The following SKOR2 variants were observed in gnomAD, a reference collection of about 807,000 sequenced individuals.
SKOR2 encodes LBX1 corepressor 1-like protein.
SKOR2 carries 47 observed loss-of-function variants against 69.1 expected under a neutral mutation model. The ratio of observed to expected loss-of-function variants is 0.68; its 90% CI spans 0.54 to 0.87. The LOEUF (loss-of-function observed/expected upper bound fraction) is 0.87. SKOR2 is among the 40% of genes least tolerant of loss of function. SKOR2 has a pLI of 0.00. For synonymous variants in SKOR2, 717 were observed against 672.6 expected, an observed-to-expected ratio of 1.07 and a Z score of -1.02; for missense variants, 1,404 against 1,472.2, an observed-to-expected ratio of 0.95 and a Z score of 0.76.
rs917580377 is a variant in SKOR2, at chr18:47,248,551, A to C, written c.633T>G (p.Arg211=). The change falls in exon 2 of 9, where the codon CGT becomes CGG. Residue 211 remains arginine (R), a synonymous_variant. Transcript: ENST00000425639. This position sits in a 1 kb window ranked among gnomAD's most constrained non-coding sequence, Gnocchi z 6.4. ...PDAANFNSWR[R]HLKLTDKSPQ... Reference sequence around the variant, plus strand: ...GACTCTTGTCGGTGAGCTTGAGATGACGGCGCCACGAGTTGAAGTTGGCTG... The same window carrying C: ...GACTCTTGTCGGTGAGCTTGAGATGCCGGCGCCACGAGTTGAAGTTGGCTG... The C allele has an allele frequency of 6.5e-7, 1 of 1,537,162 alleles. No homozygotes were observed. Among genetic ancestry groups the C allele is most frequent in the South Asian group, 1.2e-5 (1 of 84,078 alleles).
intron 8 of SKOR2, among the ~76,000 whole-genome samples, chr18:47,208,533 A>G (rs1383233419): frequency 6.6e-6 from 1 of 152,222 alleles, no homozygotes; most frequent in East Asian, 1.9e-4. Flanking sequence ...AGTTACATCA[A>G]TGATAACTGC....
At chr18:47,236,751 T>C (rs751902332) in intron 4 of SKOR2, among the ~76,000 whole-genome samples, 1 of 152,156 alleles carries the variant, frequency 6.6e-6, no homozygotes, top group Non-Finnish European at 1.5e-5. Flanking sequence ...AAACAGATAT[T>C]GTCTAAGCCA....
In SKOR2 at chr18:47,247,853, G is replaced by A. The variant is rs1251797761; in HGVS notation, c.1331C>T (p.Ala444Val). The A allele has an allele frequency of 1.8e-5, 25 of 1,358,910 alleles. No homozygotes were observed. Among genetic ancestry groups the A allele is most frequent in the Non-Finnish European group, 2.3e-5 (24 of 1,066,162 alleles). The allele number at this position is 1,358,910 out of a possible 1,614,324, so 84.2% of individuals were successfully genotyped here. Residue 444 changes from alanine (A) to valine (V), a missense_variant, in exon 2 of 9, where the codon GCG becomes GTG. Around this residue, in one of 3 missense-constraint regions of SKOR2, gnomAD observed 1,266 missense variants for 1,309.9 expected, o/e 0.97. Coordinates refer to ENST00000425639, the MANE Select transcript of SKOR2 (RefSeq NM_001278063.4). This position sits in a 1 kb window ranked among gnomAD's most constrained non-coding sequence, Gnocchi z 6.6. ...LGGAGAGGAG[A>V]APKAGLSGLF... The stretch of plus-strand genomic sequence containing the variant: ...GCCGGACAAGCCGGCCTTGGGCGCC[G>A]CGCCCGCGCCGCCTGCGCCCGCGCC...
intron 6 of SKOR2, among the ~76,000 whole-genome samples, chr18:47,226,042 G>A (rs1295739319): frequency 6.6e-6 from 1 of 152,168 alleles, no homozygotes; most frequent in Non-Finnish European, 1.5e-5. Context: ...GAAGGGAGGT[G>A]AGGATGCAGG....
rs1393994872 is a variant in SKOR2, at chr18:47,245,492, T to C, written c.2677+6A>G. The C allele has an allele frequency of 6.8e-7, 1 of 1,476,094 alleles. No homozygotes were observed. Among genetic ancestry groups the C allele is most frequent in the Non-Finnish European group, 8.9e-7 (1 of 1,120,364 alleles). 91.4% of individuals were successfully genotyped at this position (1,476,094 alleles called of 1,614,324 possible). On this transcript the variant is annotated splice_donor_region_variant and intron_variant, in intron 3 of 8. Transcript: ENST00000425639. ...AGTGGCAGCTGATTTTTTTTTTTTTTTTTACCTGAAAAGCTGTTGTCATCC... is the reference window on the plus strand; with the variant it reads ...AGTGGCAGCTGATTTTTTTTTTTTTCTTTACCTGAAAAGCTGTTGTCATCC...
intron 6 of SKOR2, among the ~76,000 whole-genome samples, chr18:47,222,684 G>A (rs1203897556): frequency 6.6e-6 from 1 of 152,232 alleles, no homozygotes; most frequent in Non-Finnish European, 1.5e-5. Flanking sequence ...AGCCTCTAGG[G>A]ATCCAAGATG....
At chr18:47,238,320 C>CTTTTTTT (rs772229985) in intron 4 of SKOR2, among the ~76,000 whole-genome samples, 7 of 108,064 alleles carry the variant, frequency 6.5e-5, no homozygotes, top group African/African-American at 1.9e-4. Context: ...CTTTTCTTTT[C>CTTTTTTT]TTTTTTTTTT....
chr18:47,246,840 C>CT lies in SKOR2; in HGVS notation c.2343dup (p.Val782SerfsTer91). The CT allele has an allele frequency of 4.1e-6, 6 of 1,476,746 alleles. No individual in the cohort carries two copies. The highest frequency in any genetic ancestry group is 5.4e-6 in the Non-Finnish European group (6 of 1,119,500). The allele number at this position is 1,476,746 out of a possible 1,614,324, so 91.5% of individuals were successfully genotyped here. ...CCCTGGAGGAACCGGCCGCCCCCGA[C>CT]TAAGGGGTCGCCGAGTAGGACCTCC... On this transcript the variant is annotated frameshift_variant, in exon 2 of 9. Coordinates refer to ENST00000425639, the MANE Select transcript of SKOR2 (RefSeq NM_001278063.4). LOFTEE classifies it high-confidence loss of function.
chr18:47,239,319 C>A (rs1318511641), intron 4 of SKOR2, among the ~76,000 whole-genome samples: 2 of 151,732 alleles, frequency 1.3e-5, no homozygotes. Context: ...TGATGTTTGG[C>A]ACTTCAGTGA....
At position 47,248,139 on chromosome 18, in the gene SKOR2, C is replaced by T. The variant is rs1303216715; in HGVS notation, c.1045G>A (p.Gly349Arg). Residue 349 changes from glycine to arginine, a missense_variant, in exon 2 of 9, where the codon GGG becomes AGG. By Grantham distance (125) the Gly-to-Arg change is moderately radical. Coordinates refer to ENST00000425639, the MANE Select transcript of SKOR2 (RefSeq NM_001278063.4). This position sits in a 1 kb window ranked among gnomAD's most constrained non-coding sequence, Gnocchi z 6.4. Reference sequence around the variant, plus strand: ...ACACAGCCACCCCCAGCGCCGCCCCCACCAGTCCCCGCGCCGCCCGAAGCA... The same window carrying T: ...ACACAGCCACCCCCAGCGCCGCCCCTACCAGTCCCCGCGCCGCCCGAAGCA... ...AAASGGAGTG[G>R]GGAGGGCVAG... 1.3e-5 allele frequency: 17 copies of T among 1,273,670 alleles called. No individual in the cohort carries two copies. In the East Asian group the frequency reaches 4.5e-4, roughly 34 times the overall value. The allele number at this position is 1,273,670 out of a possible 1,614,324, so 78.9% of individuals were successfully genotyped here.
rs1441333290 is a variant in SKOR2, at chr18:47,244,981, A to T, written c.2679T>A (p.Asp893Glu). 1 of 1,534,150 alleles carries T rather than the reference A, an allele frequency of 6.5e-7. No homozygotes were observed. Among genetic ancestry groups the T allele is most frequent in the East Asian group, 2.5e-5 (1 of 40,798 alleles). Residue 893 changes from aspartate to glutamate, a missense_variant and splice_region_variant, in exon 4 of 9, where the codon GAT becomes GAA. By Grantham distance (45) the Asp-to-Glu change is conservative. Coordinates refer to ENST00000425639, the MANE Select transcript of SKOR2 (RefSeq NM_001278063.4). ...VSTKDDNSFSDKNKEHSFFIT... is the reference protein window; with the variant it reads ...VSTKDDNSFSEKNKEHSFFIT... ...TGAAAAAGCTATGCTCCTTGTTCTT[A>T]TCTAGAACCAAAACAAAACACAAAA...
chr18:47,211,962 G>A, intron 8 of SKOR2, 124 bp downstream of exon 8: 1 of 844,810 alleles, frequency 1.2e-6, no homozygotes, highest in Non-Finnish European at 1.6e-6. Flanking sequence ...TTGGTATATT[G>A]ACTCAAACAC....
intron 1 of SKOR2, 106 bp from the exon 2 acceptor site, chr18:47,249,336 A>G (rs1042985821): frequency 9.1e-7 from 1 of 1,100,590 alleles, no homozygotes; most frequent in East Asian, 2.6e-5. Context: ...TGCTTTGGTT[A>G]AGACACGATT....
chr18:47,228,653 A>G (rs1442115477), intron 6 of SKOR2, among the ~76,000 whole-genome samples: 1 of 152,210 alleles, frequency 6.6e-6, no homozygotes, highest in Non-Finnish European at 1.5e-5. Flanking sequence ...TTAGATAAAC[A>G]TCAGCTATTG....
At position 47,247,847 on chromosome 18, in the gene SKOR2, GGCGCCGCGCCC is replaced by G; in HGVS notation, c.1326_1336del (p.Gly443GlnfsTer69). On this transcript the variant is annotated frameshift_variant, in exon 2 of 9. Transcript: ENST00000425639. LOFTEE classifies it high-confidence loss of function. This position sits in a 1 kb window ranked among gnomAD's most constrained non-coding sequence, Gnocchi z 6.6. ...GAAGAGGCCGGACAAGCCGGCCTTG[GGCGCCGCGCCC>G]GCGCCGCCTGCGCCCGCGCCCCCCA... 7.3e-7 allele frequency: 1 copy of G among 1,365,042 alleles called. No individual in the cohort carries two copies. Among genetic ancestry groups the G allele is most frequent in the Non-Finnish European group, 9.4e-7 (1 of 1,069,240 alleles). The allele number at this position is 1,365,042 out of a possible 1,614,324, so 84.6% of individuals were successfully genotyped here.
chr18:47,237,699 C>CTTT (rs398041372), intron 4 of SKOR2, among the ~76,000 whole-genome samples: 5 of 134,550 alleles, frequency 3.7e-5, no homozygotes, highest in African/African-American at 1.1e-4. Context: ...TTTTCTTTTT[C>CTTT]TTTTTTTTTT....
rs572355272 is a variant in SKOR2 at position 47,248,442 on chromosome 18, C to T, written c.742G>A (p.Gly248Ser). The change falls in exon 2 of 9, where the codon GGC becomes AGC. Residue 248 changes from glycine to serine, a missense_variant. By Grantham distance (56) the Gly-to-Ser change is moderately conservative. Coordinates refer to ENST00000425639, the MANE Select transcript of SKOR2 (RefSeq NM_001278063.4). This position sits in a 1 kb window ranked among gnomAD's most constrained non-coding sequence, Gnocchi z 6.4. ...GSRKRALPQP[G>S]AHPACHPLSS... ...AGCGGGTGGCAGGCGGGGTGCGCGC[C>T]CGGCTGGGGCAGTGCGCGCTTGCGG... 2.3e-5 allele frequency: 35 copies of T among 1,534,536 alleles called. No individual in the cohort carries two copies. In the Admixed American group the frequency reaches 5.9e-4, roughly 26 times the overall value.
intron 8 of SKOR2, among the ~76,000 whole-genome samples, chr18:47,208,937 A>G (rs907727760): frequency 2.0e-5 from 3 of 152,176 alleles, no homozygotes; most frequent in African/African-American, 4.8e-5. Context: ...CATTGTCCCA[A>G]TGGGGACTAT....
chr18:47,248,855 A>G lies in SKOR2; in HGVS notation c.329T>C (p.Ile110Thr). The G allele has an allele frequency of 2.6e-5, 40 of 1,564,618 alleles. No homozygotes were observed. Among genetic ancestry groups the G allele is most frequent in the Non-Finnish European group, 3.4e-5 (40 of 1,162,902 alleles). ...EILRRAGAMP[I>T]SSRRCGMITK... ...GATCATGCCGCAGCGGCGCGATGAG[A>G]TGGGCATGGCCCCGGCACGCCGCAG... The change falls in exon 2 of 9, where the codon ATC becomes ACC. Residue 110 changes from isoleucine to threonine, a missense_variant. Transcript: ENST00000425639. The surrounding 1 kb of genome is among the most constrained non-coding windows in gnomAD (Gnocchi z 6.4).
Sources: gnomAD v4.1 joint callset for allele counts (sites outside exome capture counted in the v4.1 genomes callset) on GRCh38, gnomAD v4.1.1 for gene constraint, gnomAD v4.1.1 regional missense constraint, Gnocchi (gnomAD v3.1) non-coding constraint, MANE v1.5 for transcripts, NCBI Gene and HGNC (gene_info 2026-07-23, HGNC 2026-07-21) for gene names.